Variants in CACNB3 observed in about 807,000 individuals in gnomAD.
CACNB3 encodes calcium voltage-gated channel auxiliary subunit beta 3, also known as voltage-dependent L-type calcium channel subunit beta-3.
Under a neutral mutation model 63.7 loss-of-function variants are expected in CACNB3, and 36 were observed. That is an observed-to-expected ratio of 0.57 (90% CI 0.43 to 0.75). The LOEUF is 0.75. CACNB3 is among the 30% of genes least tolerant of loss of function. CACNB3 has a pLI of 0.00. For synonymous variants in CACNB3, 241 were observed against 250.6 expected (o/e 0.96, Z 0.36); for missense variants, 493 against 648.6 (o/e 0.76, Z 2.61).
upstream of CACNB3, chr12:48,815,752 T>C: frequency 2.7e-5 from 16 of 598,404 alleles, no homozygotes; most frequent in Non-Finnish European, 4.3e-5. Context: ...GGGTGTGGGG[T>C]CGTGGGAAGG....
At chr12:48,815,620 G>A (rs1047942212), upstream of CACNB3, 2 of 1,534,240 alleles carry the variant, frequency 1.3e-6, no homozygotes, top group South Asian at 2.4e-5. Flanking sequence ...GCAGAGCAGC[G>A]GCCGGGTTTT....
In CACNB3 at chr12:48,823,724, G is replaced by C; in HGVS notation, c.212G>C (p.Cys71Ser). 6.2e-7 allele frequency: 1 copy of C among 1,614,168 alleles called. No homozygotes were observed. Among genetic ancestry groups the C allele is most frequent in the Admixed American group, 1.7e-5 (1 of 60,024 alleles). Reference sequence around the variant, plus strand: ...GCGGTGAGGACCAATGTCAGCTACTGTGGCGTACTGGATGAGGAGTGCCCA... The same window carrying C: ...GCGGTGAGGACCAATGTCAGCTACTCTGGCGTACTGGATGAGGAGTGCCCA... ...AFAVRTNVSY[C>S]GVLDEECPVQ... The change falls in exon 3 of 13, where the codon TGT becomes TCT. Residue 71 changes from cysteine (C) to serine (S), a missense_variant. Transcript: ENST00000301050. This position sits in a 1 kb window ranked among gnomAD's most constrained non-coding sequence, Gnocchi z 4.2.
At position 48,827,658 on chromosome 12, in the gene CACNB3, A is replaced by T; in HGVS notation, c.1214A>T (p.Glu405Val). The change falls in exon 13 of 13, where the codon GAG becomes GTG. Residue 405 changes from glutamate to valine, a missense_variant. Coordinates refer to ENST00000301050, the MANE Select transcript of CACNB3 (RefSeq NM_000725.4). ...LERDSLMPSDEASESSRQAWT... is the reference protein window; with the variant it reads ...LERDSLMPSDVASESSRQAWT... ...CGGGACAGCTTGATGCCCTCTGATG[A>T]GGCCAGCGAGAGCTCCCGCCAAGCC... The T allele has an allele frequency of 6.2e-7, 1 of 1,613,746 alleles. No homozygotes were observed. Among genetic ancestry groups the T allele is most frequent in the Non-Finnish European group, 8.5e-7 (1 of 1,179,994 alleles).
At chr12:48,815,279 A>G (rs1942257886), upstream of CACNB3, 1 of 238,254 alleles carries the variant, frequency 4.2e-6, no homozygotes. Context: ...CGGAAACTCC[A>G]GAGTCCCTAC....
chr12:48,827,490 G>T, intron 12 of CACNB3, 95 bp from the exon 13 acceptor site: 1 of 1,158,710 alleles, frequency 8.6e-7, no homozygotes, highest in Non-Finnish European at 1.2e-6. Context: ...CCTTTACCGG[G>T]GAATTGAGAG....
chr12:48,827,075 C>T lies in CACNB3; in HGVS notation c.1092C>T (p.Ala364=). Reference sequence around the variant, plus strand: ...ACTGGCGGGCCACGCACCACCCAGCCCCTGGCCCCGGACTTCTGGGTCCTC... The same window carrying T: ...ACTGGCGGGCCACGCACCACCCAGCTCCTGGCCCCGGACTTCTGGGTCCTC... ...EVYWRATHHP[A]PGPGLLGPPS... Residue 364 remains alanine (A), a synonymous_variant, in exon 12 of 13, where the codon GCC becomes GCT. Transcript: ENST00000301050. 2 of 1,613,414 alleles carry T rather than the reference C, an allele frequency of 1.2e-6. No individual in the cohort carries two copies. Among genetic ancestry groups the T allele is most frequent in the Non-Finnish European group, 1.7e-6 (2 of 1,180,042 alleles).
At chr12:48,815,666 G>GA, upstream of CACNB3, 2 of 1,519,160 alleles carry the variant, frequency 1.3e-6, no homozygotes, top group Non-Finnish European at 1.8e-6. Flanking sequence ...GGGGGAGGGG[G>GA]AGAGGCCGCT....
In CACNB3 at chr12:48,826,866, G is replaced by A. The variant is rs757950888; in HGVS notation, c.990+12G>A. 1 of 1,613,262 alleles carries A rather than the reference G, an allele frequency of 6.2e-7. No homozygotes were observed. The highest frequency in any genetic ancestry group is 8.5e-7 in the Non-Finnish European group (1 of 1,179,246). ...TTCAGTGCCCACCGGTGAGTGCCTG[G>A]GTCAGCTGCTCCTGTGCCCACTCCC... On this transcript the variant is annotated intron_variant, in intron 11 of 12. Coordinates refer to ENST00000301050, the MANE Select transcript of CACNB3 (RefSeq NM_000725.4). The surrounding 1 kb of genome is among the most constrained non-coding windows in gnomAD (Gnocchi z 4.8).
chr12:48,826,408 A>G lies in CACNB3; in HGVS notation c.784A>G (p.Lys262Glu), dbSNP rs201118617. ...GATCGAGCGCATATTTGAGCTGGCCAAATCCCTGCAGCTAGTAGTGTTGGA... is the reference window on the plus strand; with the variant it reads ...GATCGAGCGCATATTTGAGCTGGCCGAATCCCTGCAGCTAGTAGTGTTGGA... Reference protein sequence around the residue: ...SEIERIFELAKSLQLVVLDAD... With the variant: ...SEIERIFELAESLQLVVLDAD... Residue 262 changes from lysine (K) to glutamate (E), a missense_variant, in exon 10 of 13, where the codon AAA becomes GAA. Physicochemically the swap from Lys to Glu is moderately conservative, Grantham distance 56. Coordinates refer to ENST00000301050, the MANE Select transcript of CACNB3 (RefSeq NM_000725.4). This position sits in a 1 kb window ranked among gnomAD's most constrained non-coding sequence, Gnocchi z 4.8. 6.2e-7 allele frequency: 1 copy of G among 1,614,182 alleles called. No homozygotes were observed.
rs1448036462 is a variant in CACNB3 at position 48,825,512 on chromosome 12, G to C, written c.632+20G>C. 3 of 1,613,846 alleles carry C rather than the reference G, an allele frequency of 1.9e-6. No individual in the cohort carries two copies. The African/African-American group carries it at 4.0e-5, about 22-fold the overall frequency. On this transcript the variant is annotated intron_variant, in intron 8 of 12. Coordinates refer to ENST00000301050, the MANE Select transcript of CACNB3 (RefSeq NM_000725.4). This position sits in a 1 kb window ranked among gnomAD's most constrained non-coding sequence, Gnocchi z 4.5. Reference sequence around the variant, plus strand: ...TGGCAGGTAAGCTGCCCTGGCCTGAGGTGGCCTGAGAACCAAGGAGAAGCT... The same window carrying C: ...TGGCAGGTAAGCTGCCCTGGCCTGACGTGGCCTGAGAACCAAGGAGAAGCT...
chr12:48,828,120 A>G lies in CACNB3; in HGVS notation c.*221A>G. On this transcript the variant is annotated 3_prime_UTR_variant, in exon 13 of 13. Coordinates refer to ENST00000301050, the MANE Select transcript of CACNB3 (RefSeq NM_000725.4). ...GTGACCCCTACTAGGCTCCCATTCCAGGTACTAGCTGTGTGTTCTGCACCC... is the reference window on the plus strand; with the variant it reads ...GTGACCCCTACTAGGCTCCCATTCCGGGTACTAGCTGTGTGTTCTGCACCC... The G allele has an allele frequency of 1.7e-6, 1 of 589,696 alleles. No homozygotes were observed. Among genetic ancestry groups the G allele is most frequent in the Non-Finnish European group, 3.0e-6 (1 of 330,192 alleles). 36.5% of individuals were successfully genotyped at this position (589,696 alleles called of 1,614,324 possible).
chr12:48,826,712 CCA>C lies in CACNB3; in HGVS notation c.895-46_895-45del. On this transcript the variant is annotated intron_variant, in intron 10 of 12. Coordinates refer to ENST00000301050, the MANE Select transcript of CACNB3 (RefSeq NM_000725.4). The surrounding 1 kb of genome is among the most constrained non-coding windows in gnomAD (Gnocchi z 4.8). ...TAGCTCTGCCCGGGCTCAGCTCTGC[CCA>C]GAGTCCTGAGAGACTCCAGGCCTAG... 2 of 1,539,068 alleles carry C rather than the reference CCA, an allele frequency of 1.3e-6. No homozygotes were observed. Among genetic ancestry groups the C allele is most frequent in the Non-Finnish European group, 1.8e-6 (2 of 1,111,984 alleles).
chr12:48,814,483 C>T, upstream of CACNB3: 1 of 1,528,856 alleles, frequency 6.5e-7, no homozygotes, highest in Non-Finnish European at 8.7e-7. The surrounding 1 kb of genome is among the most constrained non-coding windows in gnomAD (Gnocchi z 6.9). Flanking sequence ...CGACTCTGTA[C>T]TCCCTGCTGC....
At position 48,826,034 on chromosome 12, in the gene CACNB3, G is replaced by A. The variant is rs1241248555; in HGVS notation, c.742+265G>A. Among the ~76,000 whole-genome samples the A allele has an allele frequency of 2.6e-5, 4 of 152,092 alleles. No homozygotes were observed. The South Asian group carries it at 6.2e-4, about 24-fold the overall frequency. On this transcript the variant is annotated intron_variant, in intron 9 of 12. Transcript: ENST00000301050. The surrounding 1 kb of genome is among the most constrained non-coding windows in gnomAD (Gnocchi z 4.8). ...AGTAGACGTGGGGTTTCACCATGTT[G>A]GCCAGGCTGGTCTCGAACTCCTGAC...
upstream of CACNB3, chr12:48,814,607 G>GGGGT (rs1942241781): frequency 1.4e-6 from 2 of 1,476,830 alleles, no homozygotes; most frequent in Middle Eastern, 3.6e-4. This position sits in a 1 kb window ranked among gnomAD's most constrained non-coding sequence, Gnocchi z 6.9. Context: ...GGAGCCCCAC[G>GGGGT]GGGTGGGAAT....
rs1318583001 is a variant in CACNB3 at position 48,825,837 on chromosome 12, T to C, written c.742+68T>C. ...CAGTGAGAACCTTCCTCCTCCCTTT[T>C]CTTTTTTTTGAGATGGAGTCTCGCT... On this transcript the variant is annotated intron_variant, in intron 9 of 12. Coordinates refer to ENST00000301050, the MANE Select transcript of CACNB3 (RefSeq NM_000725.4). This position sits in a 1 kb window ranked among gnomAD's most constrained non-coding sequence, Gnocchi z 4.5. 3 of 1,154,904 alleles carry C rather than the reference T, an allele frequency of 2.6e-6. No individual in the cohort carries two copies. Among genetic ancestry groups the C allele is most frequent in the Non-Finnish European group, 3.8e-6 (3 of 785,420 alleles). The allele number at this position is 1,154,904 out of a possible 1,614,324, so 71.5% of individuals were successfully genotyped here. A position where few individuals can be genotyped will look rare whatever the true frequency, so the allele number is the denominator to read the frequency against.
rs1938100715 is a variant in CACNB3 at position 48,825,725 on chromosome 12, G to A, written c.698G>A (p.Gly233Asp). ...LAKRSVLNNP[G>D]KRTIIERSSA... Reference sequence around the variant, plus strand: ...AAGCGATCTGTGCTCAACAATCCGGGCAAGAGGACCATCATTGAGCGCTCC... The same window carrying A: ...AAGCGATCTGTGCTCAACAATCCGGACAAGAGGACCATCATTGAGCGCTCC... The change falls in exon 9 of 13, where the codon GGC becomes GAC. Residue 233 changes from glycine to aspartate, a missense_variant. Coordinates refer to ENST00000301050, the MANE Select transcript of CACNB3 (RefSeq NM_000725.4). The surrounding 1 kb of genome is among the most constrained non-coding windows in gnomAD (Gnocchi z 4.5). 4 of 1,614,066 alleles carry A rather than the reference G, an allele frequency of 2.5e-6. No homozygotes were observed. The highest frequency in any genetic ancestry group is 1.7e-6 in the Non-Finnish European group (2 of 1,180,044).
In CACNB3 at chr12:48,827,745, A is replaced by C; in HGVS notation, c.1301A>C (p.Gln434Pro). 1 of 1,614,162 alleles carries C rather than the reference A, an allele frequency of 6.2e-7. No homozygotes were observed. The highest frequency in any genetic ancestry group is 1.1e-5 in the South Asian group (1 of 91,086). Residue 434 changes from glutamine to proline, a missense_variant, in exon 13 of 13, where the codon CAG becomes CCG. Transcript: ENST00000301050. ...GAGGAGGACTATGCAGATGCCTACC[A>C]GGACCTGTACCAGCCTCACCGCCAA... ...HLEEDYADAY[Q>P]DLYQPHRQHT...
rs1937670100 is a variant in CACNB3, at chr12:48,818,802, C to G, written c.-128C>G. On this transcript the variant is annotated 5_prime_UTR_variant, in exon 1 of 13. Coordinates refer to ENST00000301050, the MANE Select transcript of CACNB3 (RefSeq NM_000725.4). This position sits in a 1 kb window ranked among gnomAD's most constrained non-coding sequence, Gnocchi z 4.3. ...TCGCTCCCTCCTTCGCGCTCTCTCG[C>G]TCCCTGCCGCCGCCCGCAGGGCTGC... 1.5e-6 allele frequency: 2 copies of G among 1,366,852 alleles called. No homozygotes were observed. Among genetic ancestry groups the G allele is most frequent in the South Asian group, 1.8e-5 (1 of 55,624 alleles). 84.7% of individuals were successfully genotyped at this position (1,366,852 alleles called of 1,614,324 possible).
Sources: allele counts gnomAD v4.1 joint callset (sites outside exome capture counted in the v4.1 genomes callset), GRCh38; gene constraint gnomAD v4.1.1; non-coding constraint Gnocchi (gnomAD v3.1); transcripts MANE v1.5; gene names NCBI Gene and HGNC (gene_info 2026-07-23, HGNC 2026-07-21).